Variants in FAM193A observed in about 807,000 individuals in gnomAD.
FAM193A encodes the protein protein FAM193A.
In FAM193A, 22 loss-of-function variants were observed where a neutral mutation model predicts 126.5. The observed-to-expected ratio is 0.17, with a 90% CI of 0.12 to 0.25. The LOEUF (loss-of-function observed/expected upper bound fraction) is 0.25. FAM193A is among the 10% of genes least tolerant of loss of function. The probability of loss-of-function intolerance (pLI) is 1.00; values close to 1 mark genes in which losing one functional copy is unlikely to be tolerated. For missense variants in FAM193A, 1,675 were observed against 1,672.8 expected, an observed-to-expected ratio of 1.00 and a Z score of -0.02; for synonymous variants, 761 against 646.8, an observed-to-expected ratio of 1.18 and a Z score of -2.68.
chr4:2,648,272 G>C (rs2109058731), intron 7 of FAM193A, among the ~76,000 whole-genome samples: 1 of 152,240 alleles, frequency 6.6e-6, no homozygotes, highest in East Asian at 1.9e-4. Context: ...TGTTGAGCTT[G>C]TCTTAGGGCA....
chr4:2,607,754 T>G, intron 2 of FAM193A: 1 of 464,582 alleles, frequency 2.2e-6, no homozygotes, highest in Non-Finnish European at 3.8e-6. Flanking sequence ...TGCTGGACCA[T>G]CTGAATGGGG....
chr4:2,559,941 GCTTTT>G (rs1047451238), intron 1 of FAM193A, among the ~76,000 whole-genome samples: 37 of 151,866 alleles, frequency 2.4e-4, no homozygotes, highest in Admixed American at 6.6e-4. Flanking sequence ...CTTTGTGCAC[GCTTTT>G]CTTTTCTTTT....
chr4:2,728,990 C>G (rs1305394828), intron 20 of FAM193A, among the ~76,000 whole-genome samples: 3 of 136,366 alleles, frequency 2.2e-5, no homozygotes, highest in Non-Finnish European at 3.0e-5. Context: ...CAGTTTGTTA[C>G]AGTGGGTAGC....
At chr4:2,711,024 T>G (rs1466991435) in intron 19 of FAM193A, among the ~76,000 whole-genome samples, 1 of 151,544 alleles carries the variant, frequency 6.6e-6, no homozygotes, top group Non-Finnish European at 1.5e-5. Context: ...GCTAATTTTT[T>G]GTATTTTTTA....
At chr4:2,557,058 T>G (rs1738300419) in intron 1 of FAM193A, among the ~76,000 whole-genome samples, 1 of 152,228 alleles carries the variant, frequency 6.6e-6, no homozygotes, top group South Asian at 2.1e-4. Context: ...TACTCAACCC[T>G]AAAATATACT....
chr4:2,574,077 G>T (rs1048878396), intron 1 of FAM193A, among the ~76,000 whole-genome samples: 7 of 152,098 alleles, frequency 4.6e-5, no homozygotes, highest in African/African-American at 1.7e-4. Context: ...GAGGGTTTTT[G>T]CAGAAGAGTG....
intron 2 of FAM193A, among the ~76,000 whole-genome samples, chr4:2,613,671 C>G (rs889726421): frequency 4.0e-5 from 6 of 151,458 alleles, no homozygotes; most frequent in African/African-American, 9.7e-5. Context: ...TCAGGCTGGT[C>G]TCGAACTCCC....
At chr4:2,609,093 C>T (rs1210767295) in intron 2 of FAM193A, among the ~76,000 whole-genome samples, 2 of 151,726 alleles carry the variant, frequency 1.3e-5, no homozygotes, top group Admixed American at 1.3e-4. Context: ...GGGGTTTCAT[C>T]GTGTTAGCCA....
chr4:2,584,119 C>G (rs540528991), intron 1 of FAM193A, among the ~76,000 whole-genome samples: 1 of 152,178 alleles, frequency 6.6e-6, no homozygotes, highest in South Asian at 2.1e-4. Context: ...TGATCTATTT[C>G]AACTTAATTT....
intron 1 of FAM193A, among the ~76,000 whole-genome samples, chr4:2,587,582 C>G (rs1415449606): frequency 1.3e-5 from 2 of 152,168 alleles, no homozygotes; most frequent in African/African-American, 4.8e-5. Context: ...GTTCCAGCTA[C>G]TTGGCAGACT....
In FAM193A at chr4:2,627,436, A is replaced by C. The variant is rs149329397; in HGVS notation, c.803+859A>C. On this transcript the variant is annotated intron_variant, in intron 4 of 20. Coordinates refer to ENST00000637812, the MANE Select transcript of FAM193A (RefSeq NM_001366318.2). ...AGTGCTGGGATTACAGGCGTGAGCCACTGCGTCCGGCAACATAACATATTT... is the reference window on the plus strand; with the variant it reads ...AGTGCTGGGATTACAGGCGTGAGCCCCTGCGTCCGGCAACATAACATATTT... Among the ~76,000 whole-genome samples the C allele has an allele frequency of 8.1e-3, 605 of 74,570 alleles. 19 individuals carry two copies. The highest frequency in any genetic ancestry group is 0.018 in the African/African-American group (584 of 32,258). The allele number at this position is 74,570 out of a possible 152,430, so 48.9% of individuals were successfully genotyped here.
intron 1 of FAM193A, among the ~76,000 whole-genome samples, chr4:2,569,149 T>G (rs888931221): frequency 9.2e-5 from 14 of 152,002 alleles, no homozygotes; most frequent in African/African-American, 3.4e-4. Flanking sequence ...TTTTTGTATA[T>G]TAGTAGAGAT....
chr4:2,558,707 C>T (rs1046697928), intron 1 of FAM193A, among the ~76,000 whole-genome samples: 4 of 152,066 alleles, frequency 2.6e-5, no homozygotes, highest in Admixed American at 2.6e-4. Context: ...TCTTTAAAAG[C>T]ACACAAAATC....
intron 12 of FAM193A, among the ~76,000 whole-genome samples, chr4:2,667,349 A>G (rs1051000883): frequency 6.6e-6 from 1 of 152,152 alleles, no homozygotes; most frequent in African/African-American, 2.4e-5. Flanking sequence ...GGGCACAGAT[A>G]CTCAGATCAT....
chr4:2,557,351 C>T (rs1738323630), intron 1 of FAM193A, among the ~76,000 whole-genome samples: 1 of 152,176 alleles, frequency 6.6e-6, no homozygotes, highest in Non-Finnish European at 1.5e-5. Context: ...GCATTCTCTT[C>T]AGCCAGCTCT....
chr4:2,578,460 T>C (rs1042617283), intron 1 of FAM193A, among the ~76,000 whole-genome samples: 44 of 151,910 alleles, frequency 2.9e-4, no homozygotes, highest in Admixed American at 1.0e-3. Context: ...GTTTTTTTTT[T>C]CCCCCCTCAA....
At chr4:2,695,942 T>G (rs1426285105) in intron 17 of FAM193A, among the ~76,000 whole-genome samples, 1 of 152,072 alleles carries the variant, frequency 6.6e-6, no homozygotes, top group African/African-American at 2.4e-5. Flanking sequence ...AGCACACCCC[T>G]GCTTGAGCTC....
At chr4:2,582,988 G>A (rs1239018371) in intron 1 of FAM193A, among the ~76,000 whole-genome samples, 1 of 152,102 alleles carries the variant, frequency 6.6e-6, no homozygotes, top group African/African-American at 2.4e-5. Context: ...TATTTTTTGA[G>A]ACGGAGTTTT....
intron 1 of FAM193A, among the ~76,000 whole-genome samples, chr4:2,590,799 G>A (rs922489858): frequency 4.0e-5 from 6 of 151,886 alleles, no homozygotes; most frequent in African/African-American, 9.7e-5. Context: ...AGGCCGAGGC[G>A]GGTGGATCAC....
Sources: allele counts gnomAD v4.1 joint callset (sites outside exome capture counted in the v4.1 genomes callset), GRCh38; gene constraint gnomAD v4.1.1; transcripts MANE v1.5; gene names NCBI Gene and HGNC (gene_info 2026-07-23, HGNC 2026-07-21).